CHD9: variants seen among roughly 807,000 people sequenced by gnomAD.
CHD9 encodes ATP-dependent chromatin remodeler CHD9.
Under a neutral mutation model 316.1 loss-of-function variants are expected in CHD9, and 77 were observed. That is an observed-to-expected ratio of 0.24 (90% CI 0.20 to 0.29). The LOEUF is 0.29. CHD9 is among the 10% of genes least tolerant of loss of function. CHD9 has a pLI of 1.00. For synonymous variants in CHD9, 1,129 were observed against 1,158.3 expected, an observed-to-expected ratio of 0.97 and a Z score of 0.51; for missense variants, 2,763 against 3,438.1, an observed-to-expected ratio of 0.80 and a Z score of 4.91.
intron 17 of CHD9, among the ~76,000 whole-genome samples, chr16:53,252,220 C>T (rs538993711): frequency 6.6e-6 from 1 of 152,252 alleles, no homozygotes; most frequent in East Asian, 1.9e-4. Flanking sequence ...ACCAATGGAA[C>T]AGAATAGAGA....
rs772704591 is a variant in CHD9, at chr16:53,268,128, T to C, written c.4717+2T>C. 16 of 1,590,316 alleles carry C rather than the reference T, an allele frequency of 1.0e-5. No homozygotes were observed. The highest frequency in any genetic ancestry group is 1.4e-5 in the Non-Finnish European group (16 of 1,166,070). The stretch of plus-strand genomic sequence containing the variant: ...CACGAGAGCTACAGAATCATCTAGG[T>C]AAGAACATTGTTTCATTTGCTTTTA... On this transcript the variant is annotated splice_donor_variant, in intron 22 of 38. Coordinates refer to ENST00000447540, the MANE Select transcript of CHD9 (RefSeq NM_001308319.2). LOFTEE classifies it high-confidence loss of function.
intron 2 of CHD9, among the ~76,000 whole-genome samples, chr16:53,162,358 A>T (rs2041972313): frequency 6.6e-6 from 1 of 152,234 alleles, no homozygotes; most frequent in Non-Finnish European, 1.5e-5. Flanking sequence ...TAGCTTATTT[A>T]TCATCTCTAA....
intron 1 of CHD9, among the ~76,000 whole-genome samples, chr16:53,153,297 G>A (rs2041262076): frequency 6.6e-6 from 1 of 152,170 alleles, no homozygotes; most frequent in African/African-American, 2.4e-5. Context: ...GGGGATATTT[G>A]AAGATGAGAG....
intron 2 of CHD9, among the ~76,000 whole-genome samples, chr16:53,172,142 A>G (rs1360911464): frequency 1.3e-5 from 2 of 152,136 alleles, no homozygotes; most frequent in Non-Finnish European, 1.5e-5. Flanking sequence ...AATACAGAAC[A>G]TACTCATTAC....
intron 17 of CHD9, among the ~76,000 whole-genome samples, chr16:53,253,493 G>A (rs967122603): frequency 2.0e-5 from 3 of 152,086 alleles, no homozygotes; most frequent in African/African-American, 7.2e-5. Context: ...ATAGTGCAGT[G>A]TATACTGCTT....
chr16:53,161,463 T>G (rs2041907961), intron 2 of CHD9, among the ~76,000 whole-genome samples: 1 of 152,186 alleles, frequency 6.6e-6, no homozygotes, highest in Admixed American at 6.5e-5. Context: ...GGAAAGAAAT[T>G]TTTTTCTGGG....
chr16:53,219,968 G>A lies in CHD9; in HGVS notation c.1785-2676G>A, dbSNP rs562356171. ...ATTATAGTTGGTTGAGGAATGAAAC[G>A]GAAATGACTCTTGAGAACTTTGGAT... On this transcript the variant is annotated intron_variant, in intron 3 of 38. Coordinates refer to ENST00000447540, the MANE Select transcript of CHD9 (RefSeq NM_001308319.2). Among the ~76,000 whole-genome samples, 73 of 152,278 alleles carry A rather than the reference G, an allele frequency of 4.8e-4. 2 individuals carry two copies. In the South Asian group the frequency reaches 0.013, roughly 28 times the overall value.
chr16:53,203,453 T>C (rs1330466625), intron 2 of CHD9, among the ~76,000 whole-genome samples: 1 of 152,174 alleles, frequency 6.6e-6, no homozygotes, highest in Non-Finnish European at 1.5e-5. Flanking sequence ...GTTTCACCAC[T>C]GGTTCTCTTC....
intron 1 of CHD9, among the ~76,000 whole-genome samples, chr16:53,141,860 A>T (rs1567366499): frequency 6.6e-6 from 1 of 152,156 alleles, no homozygotes; most frequent in Non-Finnish European, 1.5e-5. Flanking sequence ...CTTTATTAAG[A>T]GGAAGGCTGG....
intron 24 of CHD9, among the ~76,000 whole-genome samples, chr16:53,280,680 T>TA (rs2053324038): frequency 3.4e-5 from 5 of 148,868 alleles, no homozygotes; most frequent in African/African-American, 7.5e-5. Flanking sequence ...GAAATACAAT[T>TA]TAAAAAAAAA....
intron 1 of CHD9, among the ~76,000 whole-genome samples, chr16:53,154,609 A>G (rs60593136): frequency 0.032 from 4,920 of 152,272 alleles, 98 homozygotes; most frequent in Middle Eastern, 0.071. Context: ...CACCTCAGGC[A>G]TTAATTAGAT....
At chr16:53,144,669 C>T (rs1597139384) in intron 1 of CHD9, among the ~76,000 whole-genome samples, 2 of 152,056 alleles carry the variant, frequency 1.3e-5, no homozygotes, top group East Asian at 1.9e-4. Context: ...GCTGGGACTA[C>T]AGGCGCCCAC....
At position 53,209,503 on chromosome 16, in the gene CHD9, G is replaced by T; in HGVS notation, c.1474G>T (p.Asp492Tyr). ...GTAGCCTCCATCTTCCAAGAAGAGC[G>T]ATGGTTCTGGGACATATACTAAGTT... ...QRQPPSSKKS[D>Y]GSGTYTKLQN... Residue 492 changes from aspartate to tyrosine, a missense_variant, in exon 3 of 39, where the codon GAT becomes TAT. Physicochemically the swap from Asp to Tyr is radical, Grantham distance 160. Around this residue, in one of 15 missense-constraint regions of CHD9, gnomAD observed 859 missense variants for 890.4 expected, o/e 0.96. Transcript: ENST00000447540. 2 of 1,603,496 alleles carry T rather than the reference G, an allele frequency of 1.2e-6. No individual in the cohort carries two copies. Among genetic ancestry groups the T allele is most frequent in the Non-Finnish European group, 1.7e-6 (2 of 1,174,946 alleles).
chr16:53,265,976 GTTT>G (rs536020046), intron 20 of CHD9, among the ~76,000 whole-genome samples: 6 of 139,580 alleles, frequency 4.3e-5, no homozygotes, highest in African/African-American at 1.3e-4. Flanking sequence ...TTAGTTTTTT[GTTT>G]TTTTTTTTAA....
intron 30 of CHD9, among the ~76,000 whole-genome samples, chr16:53,301,518 C>A (rs2055414426): frequency 6.6e-6 from 1 of 152,166 alleles, no homozygotes; most frequent in Admixed American, 6.5e-5. Flanking sequence ...AATAATACTT[C>A]TGTTTCTTAA....
intron 2 of CHD9, among the ~76,000 whole-genome samples, chr16:53,178,882 G>A (rs560469859): frequency 7.2e-5 from 11 of 152,226 alleles, no homozygotes; most frequent in Admixed American, 2.0e-4. Flanking sequence ...GCATACTGGC[G>A]CACACCTGTA....
chr16:53,194,462 T>G (rs1377195466), intron 2 of CHD9, among the ~76,000 whole-genome samples: 1 of 151,954 alleles, frequency 6.6e-6, no homozygotes, highest in Non-Finnish European at 1.5e-5. Context: ...TAGTCTCAGC[T>G]ACTCAGAAGG....
intron 15 of CHD9, among the ~76,000 whole-genome samples, 181 bp from the exon 16 acceptor site, chr16:53,247,112 C>T (rs1597625195): frequency 6.6e-6 from 1 of 152,150 alleles, no homozygotes; most frequent in African/African-American, 2.4e-5. Context: ...AATGGAATTA[C>T]AGTCTGGTAT....
rs184824337 is a variant in CHD9, at chr16:53,281,754, C to G, written c.4968-3842C>G. Reference sequence around the variant, plus strand: ...GTCAAGCTCATTCTATGCTGTTCTTCCTGGTCCAAATATTCTTTCCCCAGG... The same window carrying G: ...GTCAAGCTCATTCTATGCTGTTCTTGCTGGTCCAAATATTCTTTCCCCAGG... On this transcript the variant is annotated intron_variant, in intron 24 of 38. Coordinates refer to ENST00000447540, the MANE Select transcript of CHD9 (RefSeq NM_001308319.2). Among the ~76,000 whole-genome samples, 51 of 152,254 alleles carry G rather than the reference C, an allele frequency of 3.3e-4. 1 individual carries two copies. The highest frequency in any genetic ancestry group is 2.3e-3 in the Admixed American group (35 of 15,274).
Sources: allele counts gnomAD v4.1 joint callset (sites outside exome capture counted in the v4.1 genomes callset), GRCh38; gene constraint gnomAD v4.1.1; regional missense constraint gnomAD v4.1.1; transcripts MANE v1.5; gene names NCBI Gene and HGNC (gene_info 2026-07-23, HGNC 2026-07-21).